Variants in MPDZ observed in about 807,000 individuals in gnomAD.
The protein encoded by MPDZ is multiple PDZ domain protein.
Under a neutral mutation model 239.1 loss-of-function variants are expected in MPDZ, and 234 were observed. The ratio of observed to expected loss-of-function variants is 0.98; its 90% CI spans 0.88 to 1.09. The LOEUF is 1.09. MPDZ is among the 50% of genes least tolerant of loss of function. The probability of loss-of-function intolerance (pLI) is 0.00; values close to 1 mark genes in which losing one functional copy is unlikely to be tolerated. For synonymous variants in MPDZ, 1,048 were observed against 881.3 expected, an observed-to-expected ratio of 1.19 and a Z score of -3.35; for missense variants, 3,175 against 2,510.0, an observed-to-expected ratio of 1.26 and a Z score of -5.66.
chr9:13,139,067 G>A (rs1025572913), intron 28 of MPDZ, among the ~76,000 whole-genome samples: 2 of 152,196 alleles, frequency 1.3e-5, no homozygotes, highest in Non-Finnish European at 2.9e-5. Flanking sequence ...AGAACAGACT[G>A]CGAAAACTAC....
intron 46 of MPDZ, 112 bp downstream of exon 46, chr9:13,108,824 T>C: frequency 1.9e-6 from 2 of 1,050,924 alleles, no homozygotes; most frequent in Admixed American, 6.0e-5. Context: ...AAAGAAATGA[T>C]CAACTGTTAA....
intron 24 of MPDZ, among the ~76,000 whole-genome samples, chr9:13,157,544 A>T (rs1156772723): frequency 6.6e-6 from 1 of 152,112 alleles, no homozygotes; most frequent in Non-Finnish European, 1.5e-5. Context: ...CATCTTATCT[A>T]TTATACATGA....
chr9:13,245,583 T>C (rs1188575827), intron 3 of MPDZ, among the ~76,000 whole-genome samples: 1 of 152,180 alleles, frequency 6.6e-6, no homozygotes, highest in East Asian at 1.9e-4. Flanking sequence ...TTCCCCTGTA[T>C]ATGAACATGT....
intron 10 of MPDZ, among the ~76,000 whole-genome samples, chr9:13,206,548 G>A (rs540522583): frequency 3.8e-4 from 57 of 151,336 alleles, no homozygotes; most frequent in South Asian, 2.1e-3. Flanking sequence ...ACCACCACAC[G>A]TGGCTATTTT....
chr9:13,231,158 G>A (rs1962315972), intron 3 of MPDZ, among the ~76,000 whole-genome samples: 1 of 151,686 alleles, frequency 6.6e-6, no homozygotes, highest in Middle Eastern at 3.4e-3. Context: ...CCAGCATTGG[G>A]AATAAAAAAA....
At chr9:13,205,157 C>G in intron 11 of MPDZ, 50 bp from the exon 12 acceptor site, 1 of 1,026,886 alleles carries the variant, frequency 9.7e-7, no homozygotes, top group Non-Finnish European at 1.4e-6. Context: ...TAATCAAGTA[C>G]TTGAATTTTT....
intron 21 of MPDZ, among the ~76,000 whole-genome samples, chr9:13,170,468 A>T (rs1346756432): frequency 6.6e-6 from 1 of 152,176 alleles, no homozygotes; most frequent in Non-Finnish European, 1.5e-5. Context: ...AAACAATAAG[A>T]TACCGTTTCG....
chr9:13,113,341 T>C (rs985742416), intron 41 of MPDZ, among the ~76,000 whole-genome samples: 5 of 152,100 alleles, frequency 3.3e-5, no homozygotes, highest in Non-Finnish European at 5.9e-5. Context: ...GTGTTTTGCA[T>C]AGAAAGGCAC....
rs189934099 is a variant in MPDZ at position 13,186,505 on chromosome 9, G to A, written c.2365-119C>T. 5.6e-3 allele frequency: 3,675 copies of A among 652,828 alleles called. 28 individuals carry two copies. The highest frequency in any genetic ancestry group is 0.019 in the Middle Eastern group (57 of 2,966). The allele number at this position is 652,828 out of a possible 1,614,324, so 40.4% of individuals were successfully genotyped here. A position where few individuals can be genotyped will look rare whatever the true frequency, so the allele number is the denominator to read the frequency against. Reference sequence around the variant, plus strand: ...GGCGAGAAGAGAAAGAAATTGGAAAGTTTTCAAACGATATGACTTCAACAT... The same window carrying A: ...GGCGAGAAGAGAAAGAAATTGGAAAATTTTCAAACGATATGACTTCAACAT... On this transcript the variant is annotated intron_variant, in intron 17 of 46. Coordinates refer to ENST00000319217, the MANE Select transcript of MPDZ (RefSeq NM_001378778.1).
intron 20 of MPDZ, 116 bp from the exon 21 acceptor site, chr9:13,175,991 G>T: frequency 4.9e-6 from 7 of 1,424,512 alleles, no homozygotes; most frequent in Non-Finnish European, 6.5e-6. Flanking sequence ...GCAAGAACCT[G>T]CAACCAAAAC....
rs751360648 is a variant in MPDZ, at chr9:13,222,364, T to C, written c.616A>G (p.Ile206Val). ...TCTTTGGCTTTCTGCAGGATGCTGA[T>C]AGCCTGCTGATGTGTAATTGTCTGA... ...LDQTITHQQAISILQKAKDTV... is the reference protein window; with the variant it reads ...LDQTITHQQAVSILQKAKDTV... Residue 206 changes from isoleucine (I) to valine (V), a missense_variant, in exon 6 of 47, where the codon ATC becomes GTC. Transcript: ENST00000319217. 7 of 1,612,708 alleles carry C rather than the reference T, an allele frequency of 4.3e-6. No individual in the cohort carries two copies. Among genetic ancestry groups the C allele is most frequent in the Admixed American group, 1.7e-5 (1 of 59,864 alleles).
chr9:13,199,081 A>C (rs1321980577), intron 12 of MPDZ, among the ~76,000 whole-genome samples: 1 of 148,556 alleles, frequency 6.7e-6, no homozygotes, highest in East Asian at 1.9e-4. Flanking sequence ...ATGGCAATGA[A>C]TATATAGATA....
At chr9:13,263,469 T>C (rs1347434702) in intron 1 of MPDZ, among the ~76,000 whole-genome samples, 1 of 151,996 alleles carries the variant, frequency 6.6e-6, no homozygotes, top group Non-Finnish European at 1.5e-5. Flanking sequence ...TTAACATTGG[T>C]AAATTCTCCC....
chr9:13,222,895 A>G (rs1427270057), intron 5 of MPDZ, among the ~76,000 whole-genome samples: 1 of 151,976 alleles, frequency 6.6e-6, no homozygotes, highest in East Asian at 2.0e-4. Flanking sequence ...TCCATAGATT[A>G]GATCCCCAAC....
At chr9:13,107,403 A>C (rs999496006) in intron 46 of MPDZ, among the ~76,000 whole-genome samples, 1 of 152,206 alleles carries the variant, frequency 6.6e-6, no homozygotes, top group African/African-American at 2.4e-5. Flanking sequence ...ACACAAATTA[A>C]TAAAGAATAT....
chr9:13,231,762 A>C (rs919258194), intron 3 of MPDZ, among the ~76,000 whole-genome samples: 1 of 151,928 alleles, frequency 6.6e-6, no homozygotes, highest in Admixed American at 6.6e-5. Flanking sequence ...AGGCCAACAT[A>C]ACCTCAATTG....
At chr9:13,186,194 C>T (rs1432199850) in intron 18 of MPDZ, 76 bp downstream of exon 18, 9 of 731,108 alleles carry the variant, frequency 1.2e-5, no homozygotes, top group Non-Finnish European at 1.8e-5. Context: ...TAATAGACTT[C>T]TTCAGAATAT....
At chr9:13,122,270 A>G in intron 36 of MPDZ, 100 bp from the exon 37 acceptor site, 1 of 1,034,014 alleles carries the variant, frequency 9.7e-7, no homozygotes, top group Non-Finnish European at 1.5e-6. Flanking sequence ...AGACAGCAAT[A>G]AGGGTTATAA....
At position 13,106,772 on chromosome 9, in the gene MPDZ, AG is replaced by A. The variant is rs1941523131; in HGVS notation, c.*192del. 5 of 570,500 alleles carry A rather than the reference AG, an allele frequency of 8.8e-6. No individual in the cohort carries two copies. The highest frequency in any genetic ancestry group is 1.5e-5 in the Non-Finnish European group (5 of 336,024). 35.3% of individuals were successfully genotyped at this position (570,500 alleles called of 1,614,324 possible). A position where few individuals can be genotyped will look rare whatever the true frequency, so the allele number is the denominator to read the frequency against. On this transcript the variant is annotated 3_prime_UTR_variant, in exon 47 of 47. Coordinates refer to ENST00000319217, the MANE Select transcript of MPDZ (RefSeq NM_001378778.1). ...CTCTTTAAGTTCACAAAATGCAAGAAGAAAAGAAAAATGATGTTAGGTTGTC... is the reference window on the plus strand; with the variant it reads ...CTCTTTAAGTTCACAAAATGCAAGAAAAAAGAAAAATGATGTTAGGTTGTC...
Sources: gnomAD v4.1 joint callset for allele counts (sites outside exome capture counted in the v4.1 genomes callset) on GRCh38, gnomAD v4.1.1 for gene constraint, MANE v1.5 for transcripts, NCBI Gene and HGNC (gene_info 2026-07-23, HGNC 2026-07-21) for gene names.